The following GAP43 variants were observed in gnomAD, a reference collection of about 807,000 sequenced individuals.
GAP43 encodes the protein growth associated protein 43.
GAP43 carries 6 observed loss-of-function variants against 18.6 expected under a neutral mutation model. The observed-to-expected ratio is 0.32, with a 90% CI of 0.18 to 0.64. The LOEUF is 0.64. Ranked by LOEUF, GAP43 falls within the 30% of genes least tolerant of loss-of-function variation. The probability of loss-of-function intolerance (pLI) is 0.78; values close to 1 mark genes in which losing one functional copy is unlikely to be tolerated. For synonymous variants in GAP43, 115 were observed against 111.4 expected (o/e 1.03, Z -0.20); for missense variants, 292 against 295.5 (o/e 0.99, Z 0.09).
intron 2 of GAP43, among the ~76,000 whole-genome samples, chr3:115,682,081 G>A (rs1576992765): frequency 6.6e-6 from 1 of 152,326 alleles, no homozygotes; most frequent in East Asian, 1.9e-4. Context: ...ATTAGGGATA[G>A]CATTTACAGA....
intron 2 of GAP43, among the ~76,000 whole-genome samples, chr3:115,710,676 A>G (rs572562297): frequency 1.3e-3 from 204 of 152,262 alleles, no homozygotes; most frequent in African/African-American, 4.6e-3. Context: ...GCTTGTGTCC[A>G]TGGTTAGAGT....
chr3:115,692,628 A>G (rs1293883711), intron 2 of GAP43, among the ~76,000 whole-genome samples: 1 of 152,206 alleles, frequency 6.6e-6, no homozygotes. Context: ...TGGTGAGGAT[A>G]CCGGCCTTAG....
chr3:115,712,496 G>T (rs971721433), intron 2 of GAP43, among the ~76,000 whole-genome samples: 3 of 152,122 alleles, frequency 2.0e-5, no homozygotes, highest in Admixed American at 6.5e-5. Context: ...TTTCCTGAAG[G>T]TTGGATTAAA....
intron 1 of GAP43, among the ~76,000 whole-genome samples, chr3:115,624,216 G>A: frequency 6.6e-6 from 1 of 152,120 alleles, no homozygotes; most frequent in East Asian, 1.9e-4. Context: ...CTTCGAAGGG[G>A]CGCAGGTATT....
intron 2 of GAP43, among the ~76,000 whole-genome samples, chr3:115,679,182 G>GGGT (rs1355931689): frequency 6.6e-6 from 1 of 151,954 alleles, no homozygotes; most frequent in Non-Finnish European, 1.5e-5. Context: ...CAATCTAAGA[G>GGGT]GGTGCAACAG....
chr3:115,628,674 C>T (rs1322344677), intron 1 of GAP43, among the ~76,000 whole-genome samples: 2 of 152,066 alleles, frequency 1.3e-5, no homozygotes, highest in Non-Finnish European at 2.9e-5. Flanking sequence ...CCTTATTCTC[C>T]CTCTCAGATA....
chr3:115,690,731 A>G (rs1709098927), intron 2 of GAP43, among the ~76,000 whole-genome samples: 1 of 150,158 alleles, frequency 6.7e-6, no homozygotes, highest in Non-Finnish European at 1.5e-5. Flanking sequence ...CCTCTGGGCA[A>G]ATCTTTTTTT....
At chr3:115,669,970 TA>T (rs149195111) in intron 1 of GAP43, among the ~76,000 whole-genome samples, 16,185 of 141,152 alleles carry the variant, frequency 0.11, 1,098 homozygotes, top group Admixed American at 0.21. Flanking sequence ...TTTTTATTTT[TA>T]TTTTTTTTTT....
At chr3:115,630,364 A>G (rs1708246179) in intron 1 of GAP43, among the ~76,000 whole-genome samples, 1 of 152,186 alleles carries the variant, frequency 6.6e-6, no homozygotes, top group Non-Finnish European at 1.5e-5. Flanking sequence ...TTGGAGGTAT[A>G]GGGAGGGTGA....
At chr3:115,662,413 A>C (rs1169009824) in intron 1 of GAP43, among the ~76,000 whole-genome samples, 1 of 152,100 alleles carries the variant, frequency 6.6e-6, no homozygotes, top group Non-Finnish European at 1.5e-5. Flanking sequence ...TGGTTTGTTC[A>C]GCTTACCGGG....
chr3:115,647,736 AAAAC>A (rs754520108), intron 1 of GAP43, among the ~76,000 whole-genome samples: 5 of 105,694 alleles, frequency 4.7e-5, no homozygotes, highest in Non-Finnish European at 1.0e-4. Context: ...AACAAAAACA[AAAAC>A]AAAACAAAAC....
intron 1 of GAP43, among the ~76,000 whole-genome samples, chr3:115,639,184 A>C (rs1433808969): frequency 6.6e-6 from 1 of 152,126 alleles, no homozygotes; most frequent in Non-Finnish European, 1.5e-5. Context: ...CACAGTCCAT[A>C]ATTGGGCAGC....
intron 2 of GAP43, among the ~76,000 whole-genome samples, chr3:115,714,744 A>C (rs888046947): frequency 6.1e-4 from 93 of 151,868 alleles, no homozygotes; most frequent in African/African-American, 2.1e-3. Context: ...TTTATAATAG[A>C]ACTGGATTTG....
intron 1 of GAP43, among the ~76,000 whole-genome samples, chr3:115,659,838 T>C (rs1055778253): frequency 6.6e-6 from 1 of 152,186 alleles, no homozygotes; most frequent in Non-Finnish European, 1.5e-5. Flanking sequence ...TTAAATAGGT[T>C]GAAGCCAACT....
chr3:115,651,508 G>A (rs1346694014), intron 1 of GAP43, among the ~76,000 whole-genome samples: 11 of 151,852 alleles, frequency 7.2e-5, no homozygotes, highest in Non-Finnish European at 1.3e-4. Context: ...GCCTAACCTC[G>A]GCATCAAGAG....
At chr3:115,637,462 G>C (rs1708343791) in intron 1 of GAP43, among the ~76,000 whole-genome samples, 1 of 151,864 alleles carries the variant, frequency 6.6e-6, no homozygotes, top group African/African-American at 2.4e-5. Context: ...TTATTTTCTT[G>C]GCTTTCATAA....
chr3:115,675,138 A>G (rs899376439), intron 1 of GAP43, among the ~76,000 whole-genome samples: 3 of 152,102 alleles, frequency 2.0e-5, no homozygotes, highest in Non-Finnish European at 4.4e-5. Context: ...GTGACACAAC[A>G]ACAGCTCACT....
chr3:115,648,750 C>A (rs1708490161), intron 1 of GAP43, among the ~76,000 whole-genome samples: 1 of 152,012 alleles, frequency 6.6e-6, no homozygotes, highest in Non-Finnish European at 1.5e-5. Flanking sequence ...CTTACTCACC[C>A]TTCAGTGGCA....
rs1281474610 is a variant in GAP43, at chr3:115,623,532, G to T, written c.-158G>T. The T allele has an allele frequency of 1.3e-6, 1 of 775,472 alleles. No individual in the cohort carries two copies. The highest frequency in any genetic ancestry group is 1.6e-5 in the South Asian group (1 of 63,902). 48.0% of individuals were successfully genotyped at this position (775,472 alleles called of 1,614,324 possible). ...CTTACAGTTGCTGCTAACTGCCCTG[G>T]TGTGTGTGAGGGAGAGAGAGGGAGG... On this transcript the variant is annotated 5_prime_UTR_variant, in exon 1 of 3. Transcript: ENST00000305124.
Sources: gnomAD v4.1 joint callset for allele counts (sites outside exome capture counted in the v4.1 genomes callset) on GRCh38, gnomAD v4.1.1 for gene constraint, MANE v1.5 for transcripts, NCBI Gene and HGNC (gene_info 2026-07-23, HGNC 2026-07-21) for gene names.